The following ANKRD33B variants were observed in gnomAD, a reference collection of about 807,000 sequenced individuals.
ANKRD33B encodes the protein ankyrin repeat domain 33B.
Under a neutral mutation model 21.5 loss-of-function variants are expected in ANKRD33B, and 6 were observed. The ratio of observed to expected loss-of-function variants is 0.28; its 90% CI spans 0.15 to 0.55. The LOEUF (loss-of-function observed/expected upper bound fraction) is 0.55, where lower values mean the gene tolerates loss of function less well. ANKRD33B is among the 20% of genes least tolerant of loss of function. The probability of loss-of-function intolerance (pLI) is 0.94; values close to 1 mark genes in which losing one functional copy is unlikely to be tolerated. For synonymous variants in ANKRD33B, 347 were observed against 342.4 expected, an observed-to-expected ratio of 1.01 and a Z score of -0.15; for missense variants, 698 against 747.2, an observed-to-expected ratio of 0.93 and a Z score of 0.77.
chr5:10,649,714 G>A lies in ANKRD33B; in HGVS notation c.1086G>A (p.Val362=), dbSNP rs1271636270. The A allele has an allele frequency of 4.6e-6, 7 of 1,508,158 alleles. No homozygotes were observed. In the South Asian group the frequency reaches 7.4e-5, roughly 16 times the overall value. The allele number at this position is 1,508,158 out of a possible 1,614,324, so 93.4% of individuals were successfully genotyped here. A position where few individuals can be genotyped will look rare whatever the true frequency, so the allele number is the denominator to read the frequency against. ...CCCAGGCGCAGGAGGAGGATGAGGT[G>A]GGGGGCGCGGGGCAGCGCGGGCGGA... ...RGPQAQEEDE[V]GGAGQRGRTG... Residue 362 remains valine, a synonymous_variant, in exon 4 of 4, where the codon GTG becomes GTA. Transcript: ENST00000296657.
At position 10,564,206 on chromosome 5, in the gene ANKRD33B, C is replaced by CG. The variant is rs1734988447; in HGVS notation, c.-257dup. On this transcript the variant is annotated 5_prime_UTR_variant, in exon 1 of 4. Coordinates refer to ENST00000296657, the MANE Select transcript of ANKRD33B (RefSeq NM_001164440.2). Reference sequence around the variant, plus strand: ...AGGAAGGGGCGCGAGGGGAAGGCCCCGGGGGAAGGCGTGTCCCCGCGCCCC... The same window carrying CG: ...AGGAAGGGGCGCGAGGGGAAGGCCCCGGGGGGAAGGCGTGTCCCCGCGCCCC... 1 of 155,208 alleles carries CG rather than the reference C, an allele frequency of 6.4e-6. No homozygotes were observed. Among genetic ancestry groups the CG allele is most frequent in the African/African-American group, 2.4e-5 (1 of 41,484 alleles). The allele number at this position is 155,208 out of a possible 1,614,324, so 9.6% of individuals were successfully genotyped here.
chr5:10,648,267 C>A (rs1737236119), intron 3 of ANKRD33B, among the ~76,000 whole-genome samples: 1 of 152,236 alleles, frequency 6.6e-6, no homozygotes, highest in Admixed American at 6.5e-5. Context: ...AGCGAAGGAA[C>A]CACCCATTTC....
intron 1 of ANKRD33B, among the ~76,000 whole-genome samples, chr5:10,577,873 T>TG (rs1301140932): frequency 1.3e-5 from 2 of 152,202 alleles, no homozygotes; most frequent in Non-Finnish European, 2.9e-5. Flanking sequence ...TGCTGCACCG[T>TG]GGGGTCCTTT....
At position 10,638,014 on chromosome 5, in the gene ANKRD33B, A is replaced by T. The variant is rs765549999; in HGVS notation, c.497-14A>T. 33 of 1,536,906 alleles carry T rather than the reference A, an allele frequency of 2.1e-5. No individual in the cohort carries two copies. The highest frequency in any genetic ancestry group is 2.9e-5 in the Non-Finnish European group (33 of 1,146,678). On this transcript the variant is annotated splice_polypyrimidine_tract_variant and intron_variant, in intron 2 of 3. Transcript: ENST00000296657. The stretch of plus-strand genomic sequence containing the variant: ...GAAGTGGGAACCAATACACGTGTAC[A>T]CTTCTCTTTACAGGGCACGCTATCA...
chr5:10,602,289 G>A (rs1254555429), intron 1 of ANKRD33B, among the ~76,000 whole-genome samples: 1 of 152,248 alleles, frequency 6.6e-6, no homozygotes, highest in African/African-American at 2.4e-5. Flanking sequence ...CCTGGGCTGA[G>A]GCCTGAGGAT....
intron 1 of ANKRD33B, among the ~76,000 whole-genome samples, chr5:10,609,850 C>T (rs941657525): frequency 5.9e-5 from 9 of 152,014 alleles, no homozygotes; most frequent in East Asian, 3.9e-4. Flanking sequence ...TGGAGGCTGC[C>T]GTGAGCTGAG....
At chr5:10,597,448 G>A (rs926718977) in intron 1 of ANKRD33B, among the ~76,000 whole-genome samples, 7 of 152,040 alleles carry the variant, frequency 4.6e-5, no homozygotes, top group East Asian at 1.9e-4. Context: ...ACAAAGAAGG[G>A]CATTACATAA....
intron 3 of ANKRD33B, among the ~76,000 whole-genome samples, chr5:10,644,390 G>A (rs777176491): frequency 3.3e-5 from 5 of 152,200 alleles, no homozygotes; most frequent in Non-Finnish European, 2.9e-5. Flanking sequence ...GAAGCGTATC[G>A]AGGATGTGAT....
intron 1 of ANKRD33B, among the ~76,000 whole-genome samples, chr5:10,598,961 C>T (rs1005004398): frequency 6.6e-6 from 1 of 152,196 alleles, no homozygotes; most frequent in Non-Finnish European, 1.5e-5. Context: ...AAGTGAACAG[C>T]CGTATGATTT....
chr5:10,593,062 T>A (rs1478936671), intron 1 of ANKRD33B, among the ~76,000 whole-genome samples: 1 of 152,200 alleles, frequency 6.6e-6, no homozygotes, highest in Admixed American at 6.5e-5. Context: ...CCACCCCTCA[T>A]ATTGTCTTCG....
Position 10,578,377 on chromosome 5 carries a change from C to T in ANKRD33B, c.366+13544C>T, listed in dbSNP as rs375142558. ...GAATTTCTCCTTTAGCACTATCTGG[C>T]CCCTGACTTTGGAGGAAAGCAGCAT... On this transcript the variant is annotated intron_variant, in intron 1 of 3. Transcript: ENST00000296657. Among the ~76,000 whole-genome samples the T allele has an allele frequency of 7.4e-4, 112 of 152,320 alleles. No homozygotes were observed. In the South Asian group the frequency reaches 0.012, roughly 16 times the overall value.
At chr5:10,583,173 A>G (rs368523366) in intron 1 of ANKRD33B, among the ~76,000 whole-genome samples, 15 of 151,378 alleles carry the variant, frequency 9.9e-5, no homozygotes, top group African/African-American at 3.2e-4. Context: ...ATTTTTTTGT[A>G]TTGTTAGTAG....
chr5:10,639,969 C>T (rs1299726314), intron 3 of ANKRD33B, among the ~76,000 whole-genome samples: 1 of 42,052 alleles, frequency 2.4e-5, no homozygotes, highest in Non-Finnish European at 6.1e-5. Context: ...GTGATGTTAG[C>T]GGGTGACGCG....
intron 1 of ANKRD33B, among the ~76,000 whole-genome samples, chr5:10,615,129 C>A (rs553860188): frequency 1.2e-4 from 18 of 152,242 alleles, no homozygotes; most frequent in African/African-American, 3.9e-4. Context: ...ACTTCCGGAA[C>A]CCTGAGAGTG....
intron 2 of ANKRD33B, among the ~76,000 whole-genome samples, chr5:10,636,125 T>A (rs1201206041): frequency 1.3e-5 from 2 of 152,178 alleles, no homozygotes; most frequent in African/African-American, 4.8e-5. Flanking sequence ...CCTGTGGAGA[T>A]TCTGGGCCCA....
At chr5:10,571,251 G>T (rs898148380) in intron 1 of ANKRD33B, among the ~76,000 whole-genome samples, 3 of 152,118 alleles carry the variant, frequency 2.0e-5, no homozygotes, top group Non-Finnish European at 4.4e-5. Context: ...GCCCAGGCTG[G>T]AGTGCAGTGG....
intron 1 of ANKRD33B, among the ~76,000 whole-genome samples, chr5:10,611,023 A>T (rs1736159827): frequency 6.6e-6 from 1 of 152,218 alleles, no homozygotes; most frequent in South Asian, 2.1e-4. Context: ...CAGCCTGGGC[A>T]GCAGAGCGAA....
At chr5:10,590,736 C>G (rs1038613026) in intron 1 of ANKRD33B, among the ~76,000 whole-genome samples, 8 of 152,136 alleles carry the variant, frequency 5.3e-5, no homozygotes, top group Admixed American at 5.2e-4. Context: ...TGCAAACCCT[C>G]GAGAGTATGA....
chr5:10,639,265 T>C (rs373984611), intron 3 of ANKRD33B, among the ~76,000 whole-genome samples: 125 of 4,276 alleles, frequency 0.029, 26 homozygotes, highest in Non-Finnish European at 0.051. Flanking sequence ...GGCGGTGACG[T>C]GGAGTTGCGC....
Sources: gnomAD v4.1 joint callset for allele counts (sites outside exome capture counted in the v4.1 genomes callset) on GRCh38, gnomAD v4.1.1 for gene constraint, MANE v1.5 for transcripts, NCBI Gene and HGNC (gene_info 2026-07-23, HGNC 2026-07-21) for gene names.